TMEM209: variants seen among roughly 807,000 people sequenced by gnomAD.
TMEM209 encodes testicular tissue protein Li 202.
Under a neutral mutation model 76.2 loss-of-function variants are expected in TMEM209, and 65 were observed. That is an observed-to-expected ratio of 0.85 (90% CI 0.70 to 1.05). The LOEUF (loss-of-function observed/expected upper bound fraction) is 1.05, where lower values mean the gene tolerates loss of function less well. Ranked by LOEUF, TMEM209 falls within the 50% of genes least tolerant of loss-of-function variation. The probability of loss-of-function intolerance (pLI) is 0.00; values close to 1 mark genes in which losing one functional copy is unlikely to be tolerated. For synonymous variants in TMEM209, 239 were observed against 237.6 expected (o/e 1.01, Z -0.06); for missense variants, 623 against 685.5 (o/e 0.91, Z 1.02).
chr7:130,174,740 C>T (rs1797179408), intron 11 of TMEM209, among the ~76,000 whole-genome samples: 1 of 152,058 alleles, frequency 6.6e-6, no homozygotes, highest in African/African-American at 2.4e-5. Context: ...AGAAAGAAAG[C>T]AATGCGCATC....
intron 5 of TMEM209, 78 bp downstream of exon 5, chr7:130,201,772 T>C (rs1199733144): frequency 6.4e-7 from 1 of 1,560,668 alleles, no homozygotes. Context: ...CACTGATAAG[T>C]TTTGACTCAT....
At chr7:130,173,971 C>A in intron 11 of TMEM209, 32 bp from the exon 12 acceptor site, 1 of 1,450,046 alleles carries the variant, frequency 6.9e-7, no homozygotes, top group South Asian at 1.1e-5. Flanking sequence ...TTTTTTAAGT[C>A]AGCATGAAAA....
At position 130,204,189 on chromosome 7, in the gene TMEM209, T is replaced by C. The variant is rs1798335773; in HGVS notation, c.4-79A>G. The stretch of plus-strand genomic sequence containing the variant: ...TAAAAACCAAATTTTGCATCCCTTA[T>C]AAAGGTAACTGAAACCGCATATACC... On this transcript the variant is annotated intron_variant, in intron 1 of 14. Coordinates refer to ENST00000397622, the MANE Select transcript of TMEM209 (RefSeq NM_032842.4). The C allele has an allele frequency of 1.9e-5, 28 of 1,461,834 alleles. 1 individual carries two copies. In the South Asian group the frequency reaches 2.5e-4, roughly 13 times the overall value. The allele number at this position is 1,461,834 out of a possible 1,614,324, so 90.6% of individuals were successfully genotyped here. A position where few individuals can be genotyped will look rare whatever the true frequency, so the allele number is the denominator to read the frequency against.
chr7:130,181,745 G>A, intron 8 of TMEM209, 26 bp from the exon 9 acceptor site: 1 of 1,562,872 alleles, frequency 6.4e-7, no homozygotes, highest in East Asian at 2.3e-5. Flanking sequence ...TACAGATTTT[G>A]GATACATAAT....
intron 13 of TMEM209, among the ~76,000 whole-genome samples, chr7:130,172,187 G>A (rs1224388333): frequency 6.6e-6 from 1 of 151,986 alleles, no homozygotes; most frequent in East Asian, 1.9e-4. Context: ...AGTATAAATT[G>A]ATACAATAAC....
Position 130,175,492 on chromosome 7 carries a change from G to C in TMEM209, c.1344+20C>G. The C allele has an allele frequency of 6.2e-7, 1 of 1,600,170 alleles. No individual in the cohort carries two copies. The highest frequency in any genetic ancestry group is 8.5e-7 in the Non-Finnish European group (1 of 1,172,138). On this transcript the variant is annotated intron_variant, in intron 11 of 14. Coordinates refer to ENST00000397622, the MANE Select transcript of TMEM209 (RefSeq NM_032842.4). The stretch of plus-strand genomic sequence containing the variant: ...ATCAACAGTAAATAAATAAATGAAT[G>C]AAAGAATCTAGGGGCTTACAGCAGA...
At chr7:130,190,721 G>A (rs1797765242) in intron 6 of TMEM209, among the ~76,000 whole-genome samples, 1 of 151,972 alleles carries the variant, frequency 6.6e-6, no homozygotes, top group Non-Finnish European at 1.5e-5. Context: ...ATGGGGTCAG[G>A]CACAATGGCT....
At chr7:130,176,332 AG>A (rs1310969660) in intron 10 of TMEM209, among the ~76,000 whole-genome samples, 1 of 151,248 alleles carries the variant, frequency 6.6e-6, no homozygotes, top group African/African-American at 2.4e-5. Context: ...CGTGTTAGCC[AG>A]GATGGTCTCG....
intron 10 of TMEM209, among the ~76,000 whole-genome samples, 186 bp downstream of exon 10, chr7:130,178,216 T>C (rs999353620): frequency 6.6e-6 from 1 of 152,188 alleles, no homozygotes; most frequent in South Asian, 2.1e-4. Flanking sequence ...AGTGAAATAG[T>C]CACTGGAGCC....
intron 3 of TMEM209, among the ~76,000 whole-genome samples, chr7:130,203,290 T>C (rs774368712): frequency 6.6e-6 from 1 of 152,192 alleles, no homozygotes; most frequent in Non-Finnish European, 1.5e-5. Context: ...TGCAAATCCC[T>C]TGCTCTCCCA....
chr7:130,185,971 C>T (rs2117000767), intron 6 of TMEM209, among the ~76,000 whole-genome samples: 1 of 152,328 alleles, frequency 6.6e-6, no homozygotes, highest in Admixed American at 6.5e-5. Context: ...ACAGAGGCCT[C>T]TGAACCAGGA....
At chr7:130,196,901 G>C (rs1210957295) in intron 5 of TMEM209, among the ~76,000 whole-genome samples, 1 of 152,158 alleles carries the variant, frequency 6.6e-6, no homozygotes, top group African/African-American at 2.4e-5. Flanking sequence ...AATATTCTAA[G>C]GTGGGAATGT....
chr7:130,181,671 C>A lies in TMEM209; in HGVS notation c.1072G>T (p.Val358Phe), dbSNP rs371439302. 6.2e-7 allele frequency: 1 copy of A among 1,612,396 alleles called. No homozygotes were observed. The highest frequency in any genetic ancestry group is 8.5e-7 in the Non-Finnish European group (1 of 1,179,282). ...LVPLVQEIES[V>F]STQMRRMGCP... is the part of the protein sequence containing the mutation. ...CCCATTCGTCTCATCTGTGTGCTGA[C>A]AGACTCAATCTCTTGAACAAGTGGC... The change falls in exon 9 of 15, where the codon GTC (valine) becomes TTC (phenylalanine). Residue 358 changes from valine to phenylalanine, a missense_variant. Val to Phe is a conservative substitution (Grantham distance 50). Transcript: ENST00000397622.
intron 5 of TMEM209, among the ~76,000 whole-genome samples, chr7:130,198,706 GA>G (rs1318849761): frequency 3.3e-5 from 5 of 152,182 alleles, no homozygotes; most frequent in Admixed American, 3.3e-4. Flanking sequence ...TTCTGATACT[GA>G]AGCATTCTTG....
chr7:130,177,644 G>A (rs898455047), intron 10 of TMEM209, among the ~76,000 whole-genome samples: 6 of 152,304 alleles, frequency 3.9e-5, no homozygotes, highest in African/African-American at 1.4e-4. Flanking sequence ...GAAGAAAGTG[G>A]ACGGGGTATG....
At position 130,201,830 on chromosome 7, in the gene TMEM209, CAAGAG is replaced by C. The variant is rs776137553; in HGVS notation, c.573+15_573+19del. 1.9e-6 allele frequency: 3 copies of C among 1,613,342 alleles called. No individual in the cohort carries two copies. Among genetic ancestry groups the C allele is most frequent in the African/African-American group, 2.7e-5 (2 of 74,870 alleles). ...TCAATTCTAAAATAATGTGACTAGA[CAAGAG>C]AAGAGAGTCATTACCTTATTATAAC... is the stretch of plus-strand genomic sequence containing the variant. On this transcript the variant is annotated intron_variant, in intron 5 of 14. Transcript: ENST00000397622.
chr7:130,195,555 A>G (rs1006621377), intron 5 of TMEM209, among the ~76,000 whole-genome samples: 4 of 152,060 alleles, frequency 2.6e-5, no homozygotes, highest in African/African-American at 7.2e-5. Flanking sequence ...ACTCTTGAAT[A>G]TAATGTATTA....
rs1319355033 is a variant in TMEM209 at position 130,203,735 on chromosome 7, G to A, written c.199+53C>T. On this transcript the variant is annotated intron_variant, in intron 3 of 14. Coordinates refer to ENST00000397622, the MANE Select transcript of TMEM209 (RefSeq NM_032842.4). ...ATGTATACTAAGCTGAATTAAACCT[G>A]AAGGCAGTTTTTTATTGGTAAATGT... 2.1e-6 allele frequency: 3 copies of A among 1,449,310 alleles called. No individual in the cohort carries two copies. In the African/African-American group the frequency reaches 4.3e-5, roughly 21 times the overall value. The allele number at this position is 1,449,310 out of a possible 1,614,324, so 89.8% of individuals were successfully genotyped here.
intron 11 of TMEM209, among the ~76,000 whole-genome samples, chr7:130,174,809 C>A (rs1453799437): frequency 6.6e-6 from 1 of 152,124 alleles, no homozygotes; most frequent in Admixed American, 6.6e-5. Context: ...TCCTTCTCCA[C>A]CACAAGTGTC....
Sources: gnomAD v4.1 joint callset for allele counts (sites outside exome capture counted in the v4.1 genomes callset) on GRCh38, gnomAD v4.1.1 for gene constraint, MANE v1.5 for transcripts, NCBI Gene and HGNC (gene_info 2026-07-23, HGNC 2026-07-21) for gene names.